The following MORN5 variants were observed in gnomAD, a reference collection of about 807,000 sequenced individuals.
The protein encoded by MORN5 is MORN repeat containing 5.
A neutral mutation model predicts 22.1 loss-of-function variants in MORN5; 21 were observed. The ratio of observed to expected loss-of-function variants is 0.95; its 90% CI spans 0.67 to 1.37. The LOEUF (loss-of-function observed/expected upper bound fraction) is 1.37, where lower values mean the gene tolerates loss of function less well. MORN5 is among the 40% of genes most tolerant of loss of function. The probability of loss-of-function intolerance (pLI) is 0.00; values close to 1 mark genes in which losing one functional copy is unlikely to be tolerated. For synonymous variants in MORN5, 73 were observed against 74.0 expected (o/e 0.99, Z 0.07); for missense variants, 211 against 215.1 (o/e 0.98, Z 0.12).
At chr9:122,173,699 C>T (rs879317162) in intron 3 of MORN5, among the ~76,000 whole-genome samples, 1 of 152,164 alleles carries the variant, frequency 6.6e-6, no homozygotes, top group Non-Finnish European at 1.5e-5. Context: ...CTAAAAGGTG[C>T]ACTCAATCTT....
intron 4 of MORN5, among the ~76,000 whole-genome samples, chr9:122,180,780 C>G (rs1480201789): frequency 6.6e-6 from 1 of 152,168 alleles, no homozygotes; most frequent in East Asian, 1.9e-4. Context: ...CCAAGCCTAC[C>G]TCTTAGCACT....
At chr9:122,170,298 GA>G (rs34931205) in intron 3 of MORN5, among the ~76,000 whole-genome samples, 15,410 of 130,288 alleles carry the variant, frequency 0.12, 1,505 homozygotes, top group African/African-American at 0.29. Flanking sequence ...TCTGGTCTCA[GA>G]AAAAAAAAAA....
rs1211149583 is a variant in MORN5 at position 122,197,659 on chromosome 9, GA to G, written c.440-2225del. Reference sequence around the variant, plus strand: ...AAGTCCATTGCTGTCAATTTTTAACGATCAGGGAGGGGCCTGAGGACTGGTT... The same window carrying G: ...AAGTCCATTGCTGTCAATTTTTAACGTCAGGGAGGGGCCTGAGGACTGGTT... On this transcript the variant is annotated intron_variant, in intron 4 of 4. Coordinates refer to ENST00000373764, the MANE Select transcript of MORN5 (RefSeq NM_198469.4). This position sits in a 1 kb window ranked among gnomAD's most constrained non-coding sequence, Gnocchi z 5.7. 1.3e-5 allele frequency among the ~76,000 whole-genome samples: 2 copies of G among 152,160 alleles called. No homozygotes were observed. Among genetic ancestry groups the G allele is most frequent in the African/African-American group, 4.8e-5 (2 of 41,440 alleles).
rs893256530 is a variant in MORN5, at chr9:122,174,406, T to G, written c.308-90T>G. Reference sequence around the variant, plus strand: ...TCAACAGGGGAGCCAGATAGTCACATGAGCCACCAGCCACAAGTGGACCTT... The same window carrying G: ...TCAACAGGGGAGCCAGATAGTCACAGGAGCCACCAGCCACAAGTGGACCTT... On this transcript the variant is annotated intron_variant, in intron 3 of 4. Coordinates refer to ENST00000373764, the MANE Select transcript of MORN5 (RefSeq NM_198469.4). The G allele has an allele frequency of 1.1e-5, 16 of 1,472,558 alleles. No homozygotes were observed. In the African/African-American group the frequency reaches 1.5e-4, roughly 14 times the overall value. 91.2% of individuals were successfully genotyped at this position (1,472,558 alleles called of 1,614,324 possible).
At position 122,171,907 on chromosome 9, in the gene MORN5, C is replaced by T. The variant is rs182309385; in HGVS notation, c.307+2151C>T. Among the ~76,000 whole-genome samples, 15 of 145,898 alleles carry T rather than the reference C, an allele frequency of 1.0e-4. 1 individual carries two copies. The South Asian group carries it at 1.8e-3, about 18-fold the overall frequency. On this transcript the variant is annotated intron_variant, in intron 3 of 4. Coordinates refer to ENST00000373764, the MANE Select transcript of MORN5 (RefSeq NM_198469.4). ...CCTGACTCCGGAGATCCCCACTTGG[C>T]GCCCTTGAGGTCATTCTCCATTCTG... is the stretch of plus-strand genomic sequence containing the variant.
In MORN5 at chr9:122,165,103, A is replaced by G. The variant is rs573837443; in HGVS notation, c.48-1665A>G. The stretch of plus-strand genomic sequence containing the variant: ...CCGACAGAGGTATTAGCAAAAGCCT[A>G]AAGAAGGTCAGAGTTAGGAGAGGAG... On this transcript the variant is annotated intron_variant, in intron 1 of 4. Coordinates refer to ENST00000373764, the MANE Select transcript of MORN5 (RefSeq NM_198469.4). 3.9e-5 allele frequency among the ~76,000 whole-genome samples: 6 copies of G among 152,342 alleles called. No homozygotes were observed. In the South Asian group the frequency reaches 1.0e-3, roughly 26 times the overall value.
chr9:122,183,161 T>C (rs1829562481), intron 4 of MORN5, among the ~76,000 whole-genome samples: 1 of 152,170 alleles, frequency 6.6e-6, no homozygotes, highest in Admixed American at 6.5e-5. Context: ...TGAAAAAGGG[T>C]CCTTTATACA....
intron 4 of MORN5, among the ~76,000 whole-genome samples, chr9:122,179,567 C>T (rs1184749603): frequency 6.6e-6 from 1 of 152,166 alleles, no homozygotes; most frequent in East Asian, 1.9e-4. Context: ...GCCCCTTTCT[C>T]TTCATCTTTA....
intron 4 of MORN5, among the ~76,000 whole-genome samples, chr9:122,190,988 G>T (rs1829749810): frequency 6.6e-6 from 1 of 152,228 alleles, no homozygotes; most frequent in Admixed American, 6.5e-5. Context: ...TCCCAGCCTG[G>T]AGTCCTCTGA....
intron 4 of MORN5, among the ~76,000 whole-genome samples, chr9:122,189,895 C>T (rs144470131): frequency 2.6e-5 from 4 of 152,264 alleles, no homozygotes; most frequent in South Asian, 2.1e-4. Context: ...CGTGAGCCAC[C>T]GCACCCGGCC....
chr9:122,161,723 G>A lies in MORN5; in HGVS notation c.47+1704G>A, dbSNP rs547131782. On this transcript the variant is annotated intron_variant, in intron 1 of 4. Coordinates refer to ENST00000373764, the MANE Select transcript of MORN5 (RefSeq NM_198469.4). The stretch of plus-strand genomic sequence containing the variant: ...GAGAAACTACATTAATTTTCGATGG[G>A]CTGTATATGGGTGAGAGAGAAACAC... Among the ~76,000 whole-genome samples the A allele has an allele frequency of 3.8e-4, 58 of 152,302 alleles. 1 individual carries two copies. In the South Asian group the frequency reaches 1.0e-2, roughly 26 times the overall value.
chr9:122,180,498 C>T (rs956086771), intron 4 of MORN5, among the ~76,000 whole-genome samples: 5 of 152,188 alleles, frequency 3.3e-5, no homozygotes, highest in African/African-American at 1.2e-4. Context: ...GTTAGCTGGG[C>T]TGGTCTCGAA....
intron 1 of MORN5, chr9:122,164,543 T>C (rs1240687473): frequency 4.1e-5 from 40 of 982,066 alleles, no homozygotes; most frequent in Non-Finnish European, 4.5e-5. Context: ...TTCATGGAAA[T>C]AGAGAACTCT....
At position 122,166,280 on chromosome 9, in the gene MORN5, T is replaced by TTATATATATATATATATATATATA. The variant is rs145965768; in HGVS notation, c.48-474_48-473insTATATATATATATATATATATATA. Among the ~76,000 whole-genome samples, 230 of 149,680 alleles carry TTATATATATATATATATATATATA rather than the reference T, an allele frequency of 1.5e-3. 1 individual carries two copies. The highest frequency in any genetic ancestry group is 5.7e-3 in the African/African-American group (226 of 39,722). On this transcript the variant is annotated intron_variant, in intron 1 of 4. Coordinates refer to ENST00000373764, the MANE Select transcript of MORN5 (RefSeq NM_198469.4). ...AGCCAAACAATATTAGTATCCAAGA[T>TTATATATATATATATATATATATA]TATATATATATATAATGGTGGTAAG...
chr9:122,186,507 C>G (rs1443327006), intron 4 of MORN5, among the ~76,000 whole-genome samples: 1 of 152,182 alleles, frequency 6.6e-6, no homozygotes, highest in Non-Finnish European at 1.5e-5. Flanking sequence ...GGAAGCCATC[C>G]ATACAGCCCT....
At chr9:122,179,009 T>G (rs1271374487) in intron 4 of MORN5, among the ~76,000 whole-genome samples, 1 of 152,212 alleles carries the variant, frequency 6.6e-6, no homozygotes, top group Non-Finnish European at 1.5e-5. Flanking sequence ...TAGGGATTAC[T>G]TTACCCTGGA....
chr9:122,177,467 T>G (rs879438694), intron 4 of MORN5, among the ~76,000 whole-genome samples: 1 of 152,138 alleles, frequency 6.6e-6, no homozygotes, highest in Non-Finnish European at 1.5e-5. Context: ...AGTTTCACTC[T>G]TGTTGCCCAG....
chr9:122,190,798 T>G (rs1346810448), intron 4 of MORN5, among the ~76,000 whole-genome samples: 1 of 152,288 alleles, frequency 6.6e-6, no homozygotes, highest in Non-Finnish European at 1.5e-5. Context: ...GTTCAAAGCC[T>G]CTTTCTTGTC....
chr9:122,181,464 G>A (rs1443361311), intron 4 of MORN5, among the ~76,000 whole-genome samples: 1 of 152,218 alleles, frequency 6.6e-6, no homozygotes, highest in Non-Finnish European at 1.5e-5. Context: ...CAGCCCAGTG[G>A]TCTCTCCGCT....
Sources: gnomAD v4.1 joint callset for allele counts (sites outside exome capture counted in the v4.1 genomes callset) on GRCh38, gnomAD v4.1.1 for gene constraint, Gnocchi (gnomAD v3.1) non-coding constraint, MANE v1.5 for transcripts, NCBI Gene and HGNC (gene_info 2026-07-23, HGNC 2026-07-21) for gene names.